The following SEMA3E variants were observed in gnomAD, a reference collection of about 807,000 sequenced individuals.
SEMA3E encodes semaphorin-3E.
A neutral mutation model predicts 93.6 loss-of-function variants in SEMA3E; 49 were observed. The observed-to-expected ratio is 0.52, with a 90% confidence interval of 0.42 to 0.66. The LOEUF (loss-of-function observed/expected upper bound fraction) is 0.66, where lower values mean the gene tolerates loss of function less well. Among genes scored for constraint, SEMA3E ranks in the 30% least tolerant of loss-of-function variants. SEMA3E has a pLI of 0.00. For synonymous variants in SEMA3E, 363 were observed against 330.7 expected (o/e 1.10, Z -1.06); for missense variants, 906 against 964.8 (o/e 0.94, Z 0.81).
chr7:83,467,733 T>A (rs1789800476), intron 3 of SEMA3E, among the ~76,000 whole-genome samples: 1 of 152,210 alleles, frequency 6.6e-6, no homozygotes, highest in African/African-American at 2.4e-5. Context: ...GAAGCTCTAG[T>A]TTGTCAACAC....
intron 4 of SEMA3E, among the ~76,000 whole-genome samples, chr7:83,457,867 C>A (rs1295701089): frequency 1.3e-5 from 2 of 152,042 alleles, no homozygotes; most frequent in Admixed American, 6.6e-5. Flanking sequence ...TTCTGCAAAC[C>A]GATTCCATAA....
intron 4 of SEMA3E, among the ~76,000 whole-genome samples, chr7:83,429,908 G>A (rs1448335699): frequency 1.3e-5 from 2 of 151,934 alleles, no homozygotes; most frequent in Admixed American, 6.6e-5. Context: ...AAAAAAAAAT[G>A]ACTTCACTGA....
At position 83,392,525 on chromosome 7, in the gene SEMA3E, G is replaced by T; in HGVS notation, c.1667+30C>A. ...AAGCATTAGGGTTTTCCTAAGCAAG[G>T]GAAATAGTTAATCAGGTAGCACGTC... On this transcript the variant is annotated intron_variant, in intron 14 of 16. Coordinates refer to ENST00000643230, the MANE Select transcript of SEMA3E (RefSeq NM_012431.3). 1.9e-6 allele frequency: 3 copies of T among 1,606,036 alleles called. No homozygotes were observed. The Admixed American group carries it at 5.0e-5, about 27-fold the overall frequency.
chr7:83,381,124 T>G (rs1787768952), intron 16 of SEMA3E, among the ~76,000 whole-genome samples: 1 of 152,010 alleles, frequency 6.6e-6, no homozygotes, highest in Non-Finnish European at 1.5e-5. Context: ...AAAGTGATCT[T>G]TTTAAATACA....
chr7:83,450,342 G>C (rs1789332561), intron 4 of SEMA3E, among the ~76,000 whole-genome samples: 1 of 152,034 alleles, frequency 6.6e-6, no homozygotes, highest in African/African-American at 2.4e-5. Context: ...CACAATTACA[G>C]CACAATTGCT....
chr7:83,627,609 A>C (rs1045013779), intron 1 of SEMA3E, among the ~76,000 whole-genome samples: 5 of 140,706 alleles, frequency 3.6e-5, no homozygotes, highest in Admixed American at 7.1e-5. Context: ...TTTATCAGAG[A>C]TGAAGATCGC....
intron 2 of SEMA3E, among the ~76,000 whole-genome samples, chr7:83,487,109 A>G (rs1351773075): frequency 1.3e-5 from 2 of 152,044 alleles, no homozygotes; most frequent in Non-Finnish European, 2.9e-5. Context: ...CCAGCTTCCT[A>G]GTTTTAAAGT....
At chr7:83,641,953 A>G (rs1349515019) in intron 1 of SEMA3E, among the ~76,000 whole-genome samples, 3 of 152,230 alleles carry the variant, frequency 2.0e-5, no homozygotes, top group Admixed American at 2.0e-4. Context: ...AAGAAAATGC[A>G]TATTCAGAAA....
intron 1 of SEMA3E, among the ~76,000 whole-genome samples, chr7:83,520,492 T>C (rs1483527384): frequency 6.6e-6 from 1 of 151,962 alleles, no homozygotes. Flanking sequence ...ACTTCACCAG[T>C]GGGAAATTGA....
At chr7:83,470,878 TGG>T (rs1789879436) in intron 2 of SEMA3E, among the ~76,000 whole-genome samples, 3 of 147,860 alleles carry the variant, frequency 2.0e-5, no homozygotes, top group South Asian at 2.1e-4. Context: ...TTTTTTTTTT[TGG>T]ATCTTAAAGT....
At chr7:83,453,118 C>T (rs2115826913) in intron 4 of SEMA3E, among the ~76,000 whole-genome samples, 1 of 152,248 alleles carries the variant, frequency 6.6e-6, no homozygotes, top group South Asian at 2.1e-4. Flanking sequence ...ACCTCTGCCT[C>T]CCAGGTTCAA....
chr7:83,412,585 A>G (rs1788458264), intron 5 of SEMA3E, among the ~76,000 whole-genome samples: 1 of 151,738 alleles, frequency 6.6e-6, no homozygotes, highest in Non-Finnish European at 1.5e-5. Context: ...CATCTCTACA[A>G]ATAATAATAA....
Position 83,487,636 on chromosome 7 carries a change from A to G in SEMA3E, c.276+2478T>C, listed in dbSNP as rs10278901. On this transcript the variant is annotated intron_variant, in intron 2 of 16. Coordinates refer to ENST00000643230, the MANE Select transcript of SEMA3E (RefSeq NM_012431.3). The stretch of plus-strand genomic sequence containing the variant: ...TAGGATTGAAGCTGGAAAGAGATCA[A>G]CCAAGAAGTGAGAGAAAAACCCATT... Among the ~76,000 whole-genome samples the G allele has an allele frequency of 6.0e-3, 903 of 151,520 alleles. 7 individuals carry two copies. Among genetic ancestry groups the G allele is most frequent in the African/African-American group, 0.02 (826 of 41,342 alleles).
At chr7:83,422,209 A>G (rs891912579) in intron 4 of SEMA3E, among the ~76,000 whole-genome samples, 2 of 152,052 alleles carry the variant, frequency 1.3e-5, no homozygotes, top group East Asian at 1.9e-4. Flanking sequence ...TGATAATAAA[A>G]CATAGCCTAT....
At chr7:83,528,516 G>A (rs3801525) in intron 1 of SEMA3E, among the ~76,000 whole-genome samples, 80,167 of 151,884 alleles carry the variant, frequency 0.53, 23,499 homozygotes, top group Middle Eastern at 0.69. Flanking sequence ...GCATAGATAA[G>A]TAATATTGCC....
chr7:83,639,340 C>T (rs1468498937), intron 1 of SEMA3E, among the ~76,000 whole-genome samples: 1 of 151,834 alleles, frequency 6.6e-6, no homozygotes, highest in Non-Finnish European at 1.5e-5. Flanking sequence ...GTAATTCAAT[C>T]AAGACTTCCT....
intron 7 of SEMA3E, among the ~76,000 whole-genome samples, chr7:83,406,556 A>C (rs1788334249): frequency 7.4e-6 from 1 of 135,160 alleles, no homozygotes; most frequent in Admixed American, 8.2e-5. Flanking sequence ...ACACATATTT[A>C]TATGTAAATT....
At chr7:83,523,109 G>A (rs960517011) in intron 1 of SEMA3E, among the ~76,000 whole-genome samples, 4 of 152,148 alleles carry the variant, frequency 2.6e-5, no homozygotes, top group African/African-American at 9.6e-5. Flanking sequence ...AAAAGAGCTA[G>A]AGGGAGTATA....
At chr7:83,377,100 G>A (rs1787661043) in intron 16 of SEMA3E, among the ~76,000 whole-genome samples, 1 of 151,898 alleles carries the variant, frequency 6.6e-6, no homozygotes, top group Non-Finnish European at 1.5e-5. Flanking sequence ...CTCATTTATT[G>A]TGTCTTTGGG....
Sources: gnomAD v4.1 joint callset for allele counts (sites outside exome capture counted in the v4.1 genomes callset) on GRCh38, gnomAD v4.1.1 for gene constraint, MANE v1.5 for transcripts, NCBI Gene and HGNC (gene_info 2026-07-23, HGNC 2026-07-21) for gene names.